SDCCAG8: variants seen among roughly 807,000 people sequenced by gnomAD.
The protein encoded by SDCCAG8 is SHH signaling and ciliogenesis regulator SDCCAG8.
A neutral mutation model predicts 101.8 loss-of-function variants in SDCCAG8; 74 were observed. That is an observed-to-expected ratio of 0.73 (90% CI 0.60 to 0.88). SDCCAG8 has a LOEUF of 0.88. SDCCAG8 is among the 40% of genes least tolerant of loss of function. The pLI is 0.00. For missense variants in SDCCAG8, 787 were observed against 822.6 expected (o/e 0.96, Z 0.53); for synonymous variants, 281 against 292.9 (o/e 0.96, Z 0.41).
intron 13 of SDCCAG8, among the ~76,000 whole-genome samples, chr1:243,394,400 C>G (rs1191881532): frequency 6.6e-6 from 1 of 152,190 alleles, no homozygotes; most frequent in Non-Finnish European, 1.5e-5. Context: ...CTCGCAAATT[C>G]ATTTTCCCCC....
intron 12 of SDCCAG8, 106 bp downstream of exon 12, chr1:243,344,437 C>A: frequency 3.2e-6 from 3 of 931,610 alleles, no homozygotes; most frequent in Non-Finnish European, 5.2e-6. Context: ...TTGTTTCTAA[C>A]TAATGGGATG....
intron 13 of SDCCAG8, among the ~76,000 whole-genome samples, chr1:243,397,046 G>A (rs2079072713): frequency 6.6e-6 from 1 of 152,208 alleles, no homozygotes; most frequent in African/African-American, 2.4e-5. Flanking sequence ...GGCAGAGGAG[G>A]AAATGTTCAG....
chr1:243,328,305 G>A (rs952781516), intron 9 of SDCCAG8, among the ~76,000 whole-genome samples: 1 of 151,912 alleles, frequency 6.6e-6, no homozygotes, highest in African/African-American at 2.4e-5. Flanking sequence ...TGGGGACGGA[G>A]TCACACTCTG....
At chr1:243,260,738 G>A (rs540523414) in intron 1 of SDCCAG8, among the ~76,000 whole-genome samples, 39 of 152,172 alleles carry the variant, frequency 2.6e-4, no homozygotes, top group Non-Finnish European at 4.6e-4. Flanking sequence ...AAGGAAAAAT[G>A]AAACAAACTT....
intron 13 of SDCCAG8, among the ~76,000 whole-genome samples, chr1:243,414,784 T>C (rs1452692333): frequency 6.6e-6 from 1 of 152,068 alleles, no homozygotes; most frequent in Non-Finnish European, 1.5e-5. Flanking sequence ...ACTAAGTCAG[T>C]TAATTGAAGG....
At chr1:243,402,411 A>G (rs2079466014) in intron 13 of SDCCAG8, among the ~76,000 whole-genome samples, 1 of 151,978 alleles carries the variant, frequency 6.6e-6, no homozygotes. Context: ...TCAATTAAAA[A>G]AAAAAAAAAA....
intron 6 of SDCCAG8, among the ~76,000 whole-genome samples, chr1:243,302,925 T>C (rs2071680306): frequency 6.6e-6 from 1 of 152,188 alleles, no homozygotes; most frequent in Non-Finnish European, 1.5e-5. Context: ...GAAAAAGCCA[T>C]GAAAGTCATC....
At chr1:243,281,670 G>C (rs12753203) in intron 4 of SDCCAG8, among the ~76,000 whole-genome samples, 40,209 of 101,626 alleles carry the variant, frequency 0.4, 6,283 homozygotes, top group Middle Eastern at 0.61. Flanking sequence ...TTTTTTTTTA[G>C]AGATAGAGTC....
intron 12 of SDCCAG8, among the ~76,000 whole-genome samples, chr1:243,362,614 C>T (rs764474333): frequency 1.2e-4 from 18 of 152,204 alleles, no homozygotes; most frequent in Non-Finnish European, 2.2e-4. Flanking sequence ...TTGCTCAATA[C>T]ACACTAATAA....
At chr1:243,282,484 A>T (rs1213530297) in intron 4 of SDCCAG8, among the ~76,000 whole-genome samples, 1 of 152,222 alleles carries the variant, frequency 6.6e-6, no homozygotes, top group Non-Finnish European at 1.5e-5. Context: ...TTTATCTTAT[A>T]TCCACTTATT....
At chr1:243,287,149 A>G (rs1262107033) in intron 5 of SDCCAG8, among the ~76,000 whole-genome samples, 1 of 152,230 alleles carries the variant, frequency 6.6e-6, no homozygotes, top group Non-Finnish European at 1.5e-5. Context: ...TGACATTTAA[A>G]TAGTGCTTAA....
intron 5 of SDCCAG8, among the ~76,000 whole-genome samples, chr1:243,291,425 C>T (rs2070252315): frequency 6.6e-6 from 1 of 152,174 alleles, no homozygotes; most frequent in South Asian, 2.1e-4. Flanking sequence ...ATTTTCACTG[C>T]CACATGGCAG....
intron 16 of SDCCAG8, among the ~76,000 whole-genome samples, chr1:243,483,511 C>T (rs1271341439): frequency 6.6e-6 from 1 of 152,176 alleles, no homozygotes; most frequent in South Asian, 2.1e-4. Context: ...GAAGATTGCC[C>T]CTCTCTCCTC....
intron 12 of SDCCAG8, among the ~76,000 whole-genome samples, chr1:243,354,995 G>A (rs146210818): frequency 6.6e-6 from 1 of 152,298 alleles, no homozygotes; most frequent in African/African-American, 2.4e-5. Flanking sequence ...TAGACACACA[G>A]TGTGAGACAG....
intron 4 of SDCCAG8, among the ~76,000 whole-genome samples, chr1:243,281,650 C>CA (rs2069058277): frequency 8.8e-6 from 1 of 113,766 alleles, no homozygotes; most frequent in Non-Finnish European, 1.7e-5. Flanking sequence ...CCTTCTCTGG[C>CA]TTTTTTTTTT....
At chr1:243,497,724 C>G (rs1020689159) in intron 17 of SDCCAG8, among the ~76,000 whole-genome samples, 1 of 152,162 alleles carries the variant, frequency 6.6e-6, no homozygotes, top group African/African-American at 2.4e-5. Flanking sequence ...ATTGTGTGTA[C>G]GTGGGTGTGT....
At chr1:243,268,348 A>G (rs562497811) in intron 1 of SDCCAG8, among the ~76,000 whole-genome samples, 6 of 152,082 alleles carry the variant, frequency 3.9e-5, no homozygotes, top group Admixed American at 6.6e-5. Flanking sequence ...TTTCTATTCT[A>G]TTTTCTAATA....
At chr1:243,442,789 T>C (rs2082632674) in intron 16 of SDCCAG8, among the ~76,000 whole-genome samples, 2 of 152,190 alleles carry the variant, frequency 1.3e-5, no homozygotes, top group Non-Finnish European at 2.9e-5. Context: ...ACTACTTCTT[T>C]AGTGTCAATT....
At chr1:243,487,113 A>G (rs547219322) in intron 16 of SDCCAG8, among the ~76,000 whole-genome samples, 15 of 152,328 alleles carry the variant, frequency 9.8e-5, no homozygotes, top group African/African-American at 2.9e-4. Flanking sequence ...TGTCTCTTCA[A>G]TGGGACCCAC....
Sources: allele counts gnomAD v4.1 joint callset (sites outside exome capture counted in the v4.1 genomes callset), GRCh38; gene constraint gnomAD v4.1.1; transcripts MANE v1.5; gene names NCBI Gene and HGNC (gene_info 2026-07-23, HGNC 2026-07-21).